TMEM114: variants seen among roughly 807,000 people sequenced by gnomAD.
TMEM114 encodes transmembrane protein 114.
Under a neutral mutation model 6.2 loss-of-function variants are expected in TMEM114, and 6 were observed. The observed-to-expected ratio is 0.97, with a 90% CI of 0.53 to 1.91. The LOEUF (loss-of-function observed/expected upper bound fraction) is 1.91, where lower values mean the gene tolerates loss of function less well. Among genes scored for constraint, TMEM114 ranks in the 40% most tolerant of loss-of-function variants. TMEM114 has a pLI of 0.01. For missense variants in TMEM114, 218 were observed against 158.3 expected (o/e 1.38, Z -2.02); for synonymous variants, 104 against 73.0 (o/e 1.42, Z -2.16).
At chr16:8,529,580 G>A in the TMEM114 span, among the ~76,000 whole-genome samples, 1,855 of 152,276 alleles carry the variant, frequency 0.012, 19 homozygotes, top group Non-Finnish European at 0.018. Context: ...CAGATGAACT[G>A]AATTGGAATA....
chr16:8,575,441 A>G (rs1255867931), intron 2 of TMEM114, among the ~76,000 whole-genome samples: 1 of 152,230 alleles, frequency 6.6e-6, no homozygotes, highest in Non-Finnish European at 1.5e-5. Context: ...GAATCAAACA[A>G]TCATCAACTG....
intron 2 of TMEM114, among the ~76,000 whole-genome samples, chr16:8,547,228 T>C (rs1294379696): frequency 6.6e-6 from 1 of 152,054 alleles, no homozygotes; most frequent in Non-Finnish European, 1.5e-5. Flanking sequence ...AGCAGCTGTG[T>C]GGAGGATGAG....
At chr16:8,562,174 GA>G (rs1901254494) in intron 2 of TMEM114, among the ~76,000 whole-genome samples, 1 of 151,558 alleles carries the variant, frequency 6.6e-6, no homozygotes, top group African/African-American at 2.4e-5. Context: ...GTGAATGAGT[GA>G]ATGAGTCAGT....
chr16:8,530,789 C>A, the TMEM114 span, among the ~76,000 whole-genome samples: 1 of 151,910 alleles, frequency 6.6e-6, no homozygotes, highest in Admixed American at 6.6e-5. Flanking sequence ...TTTGGGAGGC[C>A]GAGTCAGATG....
chr16:8,576,342 G>A (rs559495589), intron 2 of TMEM114, among the ~76,000 whole-genome samples: 6 of 152,160 alleles, frequency 3.9e-5, no homozygotes, highest in Non-Finnish European at 5.9e-5. Context: ...ATCAAAGCCC[G>A]AATCCCGTAA....
At chr16:8,537,474 C>G (rs555953272), downstream of TMEM114, 4 of 152,266 alleles carry the variant, frequency 2.6e-5, no homozygotes, top group African/African-American at 9.6e-5. Flanking sequence ...ACACCCCAGC[C>G]TGGGTGACAG....
At chr16:8,528,846 C>T in the TMEM114 span, among the ~76,000 whole-genome samples, 4 of 152,226 alleles carry the variant, frequency 2.6e-5, no homozygotes, top group Middle Eastern at 3.2e-3. Context: ...CACTCCATTA[C>T]AGGATGTGTG....
chr16:8,550,378 A>G (rs866922014), intron 2 of TMEM114, among the ~76,000 whole-genome samples: 5 of 152,332 alleles, frequency 3.3e-5, no homozygotes, highest in South Asian at 2.1e-4. Context: ...GTTCTCTGGA[A>G]TCTAAAATCT....
In TMEM114 at chr16:8,589,939, AC is replaced by A. The variant is rs1169660699; in HGVS notation, c.-102del. On this transcript the variant is annotated 5_prime_UTR_variant, in exon 1 of 4. Coordinates refer to ENST00000620492, the MANE Select transcript of TMEM114 (RefSeq NM_001146336.2). ...CCGGCCACCGCGGGCTCCCAGCTCC[AC>A]CGCCGCCAGAGCCGCGGAGCTCAGA... 649 of 388,160 alleles carry A rather than the reference AC, an allele frequency of 1.7e-3. 10 individuals carry two copies. The East Asian group carries it at 0.022, about 13-fold the overall frequency. 24.0% of individuals were successfully genotyped at this position (388,160 alleles called of 1,614,324 possible). A position where few individuals can be genotyped will look rare whatever the true frequency, so the allele number is the denominator to read the frequency against.
chr16:8,561,780 A>C (rs4786264), intron 2 of TMEM114, among the ~76,000 whole-genome samples: 13,867 of 151,168 alleles, frequency 0.092, 756 homozygotes, highest in Middle Eastern at 0.19. Flanking sequence ...TGAGGTAATG[A>C]GTGAATCAGT....
intron 2 of TMEM114, among the ~76,000 whole-genome samples, chr16:8,576,364 C>A (rs1427378146): frequency 6.6e-6 from 1 of 152,224 alleles, no homozygotes; most frequent in Non-Finnish European, 1.5e-5. Context: ...TCCTTCCTGG[C>A]AACCTCTTGC....
intron 2 of TMEM114, among the ~76,000 whole-genome samples, chr16:8,561,825 T>G (rs145230497): frequency 0.049 from 6,165 of 126,688 alleles, 157 homozygotes; most frequent in South Asian, 0.11. Context: ...AGGGAGTGAA[T>G]GAGTGAGTGA....
At chr16:8,533,499 A>G (rs149129192), downstream of TMEM114, among the ~76,000 whole-genome samples, 4 of 152,370 alleles carry the variant, frequency 2.6e-5, no homozygotes, top group African/African-American at 9.6e-5. Flanking sequence ...ATACATGGTC[A>G]CAGGTTAGTA....
chr16:8,544,920 T>TCTCTCTC (rs1900616242), intron 2 of TMEM114, among the ~76,000 whole-genome samples: 1 of 147,856 alleles, frequency 6.8e-6, no homozygotes, highest in South Asian at 2.2e-4. Context: ...CTCAACATCT[T>TCTCTCTC]TCTCTCTCTC....
chr16:8,560,285 A>G (rs2141668094), intron 2 of TMEM114, among the ~76,000 whole-genome samples: 1 of 151,956 alleles, frequency 6.6e-6, no homozygotes, highest in South Asian at 2.1e-4. Context: ...GGTGTGAGGC[A>G]CTGTGCCCAG....
chr16:8,528,661 T>C, the TMEM114 span, among the ~76,000 whole-genome samples: 1 of 152,210 alleles, frequency 6.6e-6, no homozygotes, highest in Non-Finnish European at 1.5e-5. Context: ...TGGTGGTAAA[T>C]CTGCATTGTC....
At chr16:8,545,416 C>G (rs1012659972) in intron 2 of TMEM114, among the ~76,000 whole-genome samples, 2 of 152,156 alleles carry the variant, frequency 1.3e-5, no homozygotes, top group African/African-American at 4.8e-5. Flanking sequence ...CCCTGTGCAA[C>G]AGTTATACTC....
the TMEM114 span, among the ~76,000 whole-genome samples, chr16:8,529,931 A>G: frequency 5.9e-5 from 9 of 152,106 alleles, no homozygotes; most frequent in Non-Finnish European, 1.3e-4. Context: ...CTCAACCTGA[A>G]ATTCTCTAAG....
intron 2 of TMEM114, among the ~76,000 whole-genome samples, chr16:8,564,430 TGAGGGAGGGAGG>T (rs1356427787): frequency 6.8e-6 from 1 of 146,582 alleles, no homozygotes; most frequent in Non-Finnish European, 1.5e-5. Flanking sequence ...AATGAGTGAG[TGAGGGAGGGAGG>T]GAATGAGTGA....
Sources: gnomAD v4.1 joint callset for allele counts (sites outside exome capture counted in the v4.1 genomes callset) on GRCh38, gnomAD v4.1.1 for gene constraint, MANE v1.5 for transcripts, NCBI Gene and HGNC (gene_info 2026-07-23, HGNC 2026-07-21) for gene names.